The following SHISAL1 variants were observed in gnomAD, a reference collection of about 807,000 sequenced individuals.
The protein encoded by SHISAL1 is protein shisa-like-1.
SHISAL1 carries 9 observed loss-of-function variants against 22.6 expected under a neutral mutation model. That is an observed-to-expected ratio of 0.40 (90% CI 0.24 to 0.70). The LOEUF (loss-of-function observed/expected upper bound fraction) is 0.70, where lower values mean the gene tolerates loss of function less well. Ranked by LOEUF, SHISAL1 falls within the 30% of genes least tolerant of loss-of-function variation. The pLI is 0.39. For synonymous variants in SHISAL1, 119 were observed against 115.4 expected, an observed-to-expected ratio of 1.03 and a Z score of -0.20; for missense variants, 246 against 270.6, an observed-to-expected ratio of 0.91 and a Z score of 0.64.
At chr22:44,309,217 G>A (rs1311674273) in intron 1 of SHISAL1, among the ~76,000 whole-genome samples, 2 of 152,234 alleles carry the variant, frequency 1.3e-5, no homozygotes, top group Non-Finnish European at 2.9e-5. Context: ...AGTTCTGGGC[G>A]TGGGGGATTC....
At position 44,291,060 on chromosome 22, in the gene SHISAL1, G is replaced by A. The variant is rs116740315; in HGVS notation, c.282-5315C>T. ...TCCTCACTCCACTGGTAACAGGCTTGGACAAGTGACGTGCTTTGGCCAATA... is the reference window on the plus strand; with the variant it reads ...TCCTCACTCCACTGGTAACAGGCTTAGACAAGTGACGTGCTTTGGCCAATA... On this transcript the variant is annotated intron_variant, in intron 3 of 4. Transcript: ENST00000381176. 5.7e-3 allele frequency among the ~76,000 whole-genome samples: 861 copies of A among 152,288 alleles called. 14 individuals carry two copies. The highest frequency in any genetic ancestry group is 0.02 in the African/African-American group (823 of 41,554).
chr22:44,254,354 A>G (rs1201971233), intron 4 of SHISAL1, among the ~76,000 whole-genome samples: 1 of 152,070 alleles, frequency 6.6e-6, no homozygotes, highest in East Asian at 1.9e-4. Context: ...TCTTTTTTTA[A>G]TGTTTAAATT....
At chr22:44,288,463 C>T (rs12157675) in intron 3 of SHISAL1, among the ~76,000 whole-genome samples, 3,760 of 151,952 alleles carry the variant, frequency 0.025, 149 homozygotes, top group African/African-American at 0.086. Flanking sequence ...GGTGAAACCC[C>T]GTCTCTACTA....
the SHISAL1 span, among the ~76,000 whole-genome samples, chr22:44,323,646 ACCATCCATCCATCCATCCATCCAT>A: frequency 1.8e-5 from 2 of 111,230 alleles, no homozygotes; most frequent in Admixed American, 1.6e-4. Context: ...CCACCCACTC[ACCATCCATCCATCCATCCATCCAT>A]CCATCCATCC....
Position 44,310,845 on chromosome 22 carries a change from C to T in SHISAL1, c.-33+1906G>A, listed in dbSNP as rs1301911086. 2.6e-5 allele frequency among the ~76,000 whole-genome samples: 4 copies of T among 152,100 alleles called. No individual in the cohort carries two copies. The East Asian group carries it at 7.7e-4, about 29-fold the overall frequency. On this transcript the variant is annotated intron_variant, in intron 1 of 4. Transcript: ENST00000381176. This position sits in a 1 kb window ranked among gnomAD's most constrained non-coding sequence, Gnocchi z 4.0. Reference sequence around the variant, plus strand: ...TGGTTTACTGCTTCCCTGCCTAGTACAAGCTCTTCAAGGGTGGGAAATTTT... The same window carrying T: ...TGGTTTACTGCTTCCCTGCCTAGTATAAGCTCTTCAAGGGTGGGAAATTTT...
intron 4 of SHISAL1, among the ~76,000 whole-genome samples, chr22:44,276,740 C>T (rs1349498221): frequency 2.0e-5 from 3 of 152,108 alleles, no homozygotes; most frequent in Non-Finnish European, 2.9e-5. Context: ...CTGCAATGAC[C>T]AGCAGATCTG....
chr22:44,313,675 AC>A (rs1012792637), upstream of SHISAL1, among the ~76,000 whole-genome samples: 25 of 148,866 alleles, frequency 1.7e-4, no homozygotes, highest in Admixed American at 6.0e-4. Flanking sequence ...GGTGCCAGGC[AC>A]CCCCCCAGCC....
chr22:44,325,324 T>C, the SHISAL1 span, among the ~76,000 whole-genome samples: 2 of 151,726 alleles, frequency 1.3e-5, no homozygotes, highest in Non-Finnish European at 2.9e-5. Flanking sequence ...CTTGGGATGA[T>C]GCCAGGCTTC....
At position 44,300,882 on chromosome 22, in the gene SHISAL1, C is replaced by G. The variant is rs1211458093; in HGVS notation, c.64G>C (p.Ala22Pro). 6.2e-7 allele frequency: 1 copy of G among 1,614,034 alleles called. No individual in the cohort carries two copies. Among genetic ancestry groups the G allele is most frequent in the East Asian group, 2.2e-5 (1 of 44,876 alleles). ...LAVLFSLLFS[A>P]VLSAHFRVCE... ...CCAGCATCCACGGAGGTTTTACCTG[C>G]AGAAAACAGCAATGAGAAGAGGACG... The change falls in exon 2 of 5, where the codon GCA (alanine) becomes CCA (proline). Residue 22 changes from alanine (A) to proline (P), a missense_variant. Transcript: ENST00000381176.
chr22:44,276,020 C>G (rs1005640444), intron 4 of SHISAL1, among the ~76,000 whole-genome samples: 1 of 152,234 alleles, frequency 6.6e-6, no homozygotes, highest in Non-Finnish European at 1.5e-5. Context: ...ACAAGAAACA[C>G]CAATCCCAAC....
At chr22:44,318,691 C>G in the SHISAL1 span, among the ~76,000 whole-genome samples, 1 of 152,250 alleles carries the variant, frequency 6.6e-6, no homozygotes, top group Non-Finnish European at 1.5e-5. Context: ...GGGTCAGTCA[C>G]CAGGGCTGCC....
chr22:44,305,437 A>G (rs1248895499), intron 1 of SHISAL1, among the ~76,000 whole-genome samples: 1 of 152,238 alleles, frequency 6.6e-6, no homozygotes, highest in Non-Finnish European at 1.5e-5. Context: ...TCGCAGACCC[A>G]GGGTCCAGAG....
chr22:44,323,028 ACCATCCATCCAT>A, the SHISAL1 span, among the ~76,000 whole-genome samples: 3 of 126,634 alleles, frequency 2.4e-5, no homozygotes, highest in South Asian at 3.0e-4. Flanking sequence ...GCATCCATCC[ACCATCCATCCAT>A]CCATCCATCC....
intron 4 of SHISAL1, among the ~76,000 whole-genome samples, chr22:44,281,464 AG>A (rs1168163217): frequency 6.6e-6 from 1 of 151,868 alleles, no homozygotes; most frequent in Non-Finnish European, 1.5e-5. Flanking sequence ...CTGTGTGTGT[AG>A]GGGGTAGTGC....
chr22:44,327,660 C>T, the SHISAL1 span, among the ~76,000 whole-genome samples: 1 of 151,912 alleles, frequency 6.6e-6, no homozygotes, highest in Non-Finnish European at 1.5e-5. Flanking sequence ...GAATGTGTAC[C>T]CTGGAGGAAG....
rs922017518 is a variant in SHISAL1, at chr22:44,263,079, CTTTTTTTTT to C, written c.*-13403_*-13395del. On this transcript the variant is annotated intron_variant, in intron 4 of 4. Transcript: ENST00000381176. The stretch of plus-strand genomic sequence containing the variant: ...CCTTCACGTATTTTTTTCTTTCTTT[CTTTTTTTTT>C]TTTTTTTTTTTGGAGATGGAGTCTG... Among the ~76,000 whole-genome samples, 8 of 88,270 alleles carry C rather than the reference CTTTTTTTTT, an allele frequency of 9.1e-5. No homozygotes were observed. The South Asian group carries it at 3.6e-3, about 40-fold the overall frequency. The allele number at this position is 88,270 out of a possible 152,430, so 57.9% of individuals were successfully genotyped here.
chr22:44,292,281 C>G (rs78027095), intron 3 of SHISAL1, among the ~76,000 whole-genome samples: 3,488 of 152,266 alleles, frequency 0.023, 120 homozygotes, highest in African/African-American at 0.08. Context: ...CCTAGTCCAT[C>G]TAGACGGGCT....
the SHISAL1 span, among the ~76,000 whole-genome samples, chr22:44,318,943 C>T: frequency 2.6e-5 from 4 of 152,126 alleles, no homozygotes; most frequent in Non-Finnish European, 5.9e-5. Flanking sequence ...CAGGATGCGG[C>T]GCTGGCCACA....
At chr22:44,271,061 CCTATGAGTGGGGTA>C (rs1217545803) in intron 4 of SHISAL1, among the ~76,000 whole-genome samples, 1 of 152,106 alleles carries the variant, frequency 6.6e-6, no homozygotes, top group African/African-American at 2.4e-5. Context: ...GGGGGTTCTT[CCTATGAGTGGGGTA>C]CTGAGCTAGG....
Sources: gnomAD v4.1 joint callset for allele counts (sites outside exome capture counted in the v4.1 genomes callset) on GRCh38, gnomAD v4.1.1 for gene constraint, Gnocchi (gnomAD v3.1) non-coding constraint, MANE v1.5 for transcripts, NCBI Gene and HGNC (gene_info 2026-07-23, HGNC 2026-07-21) for gene names.